The following VWC2 variants were observed in gnomAD, a reference collection of about 807,000 sequenced individuals.
VWC2 encodes brorin.
Under a neutral mutation model 29.8 loss-of-function variants are expected in VWC2, and 14 were observed. The ratio of observed to expected loss-of-function variants is 0.47; its 90% CI spans 0.31 to 0.74. VWC2 has a LOEUF of 0.74. Ranked by LOEUF, VWC2 falls within the 30% of genes least tolerant of loss-of-function variation. The pLI, the probability that VWC2 is intolerant of heterozygous loss-of-function variation, is 0.05. For missense variants in VWC2, 457 were observed against 459.8 expected (o/e 0.99, Z 0.05); for synonymous variants, 213 against 199.0 (o/e 1.07, Z -0.59).
intron 3 of VWC2, among the ~76,000 whole-genome samples, chr7:49,840,735 T>A (rs1789775880): frequency 6.6e-6 from 1 of 152,188 alleles, no homozygotes; most frequent in African/African-American, 2.4e-5. Context: ...TCTTTTATTG[T>A]TCATTTTTGT....
At chr7:49,893,386 T>C (rs982337904) in intron 3 of VWC2, among the ~76,000 whole-genome samples, 3 of 152,222 alleles carry the variant, frequency 2.0e-5, no homozygotes, top group Admixed American at 1.3e-4. Context: ...AGGATAGTTT[T>C]CAAGCTGGCA....
intron 3 of VWC2, among the ~76,000 whole-genome samples, chr7:49,869,415 C>T (rs546512808): frequency 7.8e-4 from 118 of 152,140 alleles, no homozygotes; most frequent in African/African-American, 2.6e-3. Context: ...AACAAAGCAA[C>T]GATTTTAACA....
chr7:49,893,709 C>T (rs963543677), intron 3 of VWC2, among the ~76,000 whole-genome samples: 3 of 150,656 alleles, frequency 2.0e-5, no homozygotes, highest in Non-Finnish European at 4.4e-5. Flanking sequence ...AAAGGGAAAT[C>T]GAAATACAAT....
chr7:49,806,571 C>T (rs865939672), intron 3 of VWC2, among the ~76,000 whole-genome samples: 3 of 152,062 alleles, frequency 2.0e-5, no homozygotes, highest in Admixed American at 6.6e-5. Flanking sequence ...AACACTGAGA[C>T]GTCAAATTAT....
chr7:49,901,206 G>C (rs928057953), intron 3 of VWC2: 1 of 151,878 alleles, frequency 6.6e-6, no homozygotes, highest in South Asian at 2.1e-4. Flanking sequence ...CATAGTGGAA[G>C]TCCCAACTAC....
intron 3 of VWC2, among the ~76,000 whole-genome samples, chr7:49,907,089 A>G (rs1379478454): frequency 2.0e-5 from 3 of 152,218 alleles, no homozygotes; most frequent in East Asian, 3.9e-4. Flanking sequence ...GTGGAGTGAT[A>G]AGCTGGGACA....
rs150259595 is a variant in VWC2 at position 49,848,855 on chromosome 7, G to A, written c.826+46015G>A. 1.2e-3 allele frequency among the ~76,000 whole-genome samples: 177 copies of A among 152,266 alleles called. 1 individual carries two copies. The East Asian group carries it at 0.023, about 20-fold the overall frequency. On this transcript the variant is annotated intron_variant, in intron 3 of 3. Transcript: ENST00000340652. ...ATAGTCAATAAAATGATTACATTGTGTCTAATTCAGTAGACCAGAAAGGAA... is the reference window on the plus strand; with the variant it reads ...ATAGTCAATAAAATGATTACATTGTATCTAATTCAGTAGACCAGAAAGGAA...
intron 3 of VWC2, among the ~76,000 whole-genome samples, chr7:49,819,498 T>C (rs1273010828): frequency 6.6e-6 from 1 of 152,224 alleles, no homozygotes; most frequent in Non-Finnish European, 1.5e-5. Flanking sequence ...TGTAAAATAC[T>C]GCATGCTGTT....
At chr7:49,911,851 C>T (rs1226703562) in intron 3 of VWC2, among the ~76,000 whole-genome samples, 183 bp from the exon 4 acceptor site, 2 of 151,132 alleles carry the variant, frequency 1.3e-5, no homozygotes, top group African/African-American at 2.4e-5. Flanking sequence ...GAGCCGAGAT[C>T]GTGCCACTGC....
At chr7:49,852,644 C>T (rs1001157679) in intron 3 of VWC2, among the ~76,000 whole-genome samples, 1 of 152,024 alleles carries the variant, frequency 6.6e-6, no homozygotes, top group African/African-American at 2.4e-5. Context: ...GGTGATGTCT[C>T]ACCTCCCCTC....
Position 49,915,850 on chromosome 7 carries a change from T to C in VWC2, c.*3665T>C, listed in dbSNP as rs985056425. On this transcript the variant is annotated 3_prime_UTR_variant, in exon 4 of 4. Transcript: ENST00000340652. ...GTATCAGATGTACAAATAAGCATCATTGGTAAAAACATACATGCTTCTTTG... is the reference window on the plus strand; with the variant it reads ...GTATCAGATGTACAAATAAGCATCACTGGTAAAAACATACATGCTTCTTTG... 21 of 152,334 alleles carry C rather than the reference T, an allele frequency of 1.4e-4. No homozygotes were observed. Among genetic ancestry groups the C allele is most frequent in the African/African-American group, 5.0e-4 (21 of 41,588 alleles). The allele number at this position is 152,334 out of a possible 1,614,324, so 9.4% of individuals were successfully genotyped here. A position where few individuals can be genotyped will look rare whatever the true frequency, so the allele number is the denominator to read the frequency against.
chr7:49,774,071 C>A lies in VWC2; in HGVS notation c.-146C>A, dbSNP rs1787997164. 1 of 152,208 alleles carries A rather than the reference C, an allele frequency of 6.6e-6. No homozygotes were observed. The highest frequency in any genetic ancestry group is 2.4e-5 in the African/African-American group (1 of 41,420). The allele number at this position is 152,208 out of a possible 1,614,324, so 9.4% of individuals were successfully genotyped here. The stretch of plus-strand genomic sequence containing the variant: ...CCCGCGCCCGCCGCTGCTACCCCTG[C>A]GCCCGCTGCGAGCCCGGCGTCCGGC... On this transcript the variant is annotated 5_prime_UTR_variant, in exon 1 of 4. Coordinates refer to ENST00000340652, the MANE Select transcript of VWC2 (RefSeq NM_198570.5).
In VWC2 at chr7:49,802,772, C is replaced by G. The variant is rs762722654; in HGVS notation, c.758C>G (p.Ala253Gly). 3.7e-6 allele frequency: 6 copies of G among 1,614,074 alleles called. No homozygotes were observed. In the Admixed American group the frequency reaches 1.0e-4, roughly 27 times the overall value. Reference protein sequence around the residue: ...ANGEVLCTVSACPQTECVDPV... With the variant: ...ANGEVLCTVSGCPQTECVDPV... ...GGTGAGGTGCTATGCACAGTGTCAG[C>G]GTGTCCCCAGACGGAGTGTGTGGAC... is the stretch of plus-strand genomic sequence containing the variant. Residue 253 changes from alanine to glycine, a missense_variant, in exon 3 of 4, where the codon GCG becomes GGG. By Grantham distance (60) the Ala-to-Gly change is moderately conservative. This residue lies in a region of VWC2 where 185 missense variants were observed against 257.1 expected (regional missense o/e 0.72). Transcript: ENST00000340652.
At chr7:49,856,229 T>C (rs1790411359) in intron 3 of VWC2, among the ~76,000 whole-genome samples, 1 of 152,134 alleles carries the variant, frequency 6.6e-6, no homozygotes, top group Admixed American at 6.5e-5. Context: ...GTTTGAGTCA[T>C]GAGGGTGGAT....
intron 2 of VWC2, among the ~76,000 whole-genome samples, chr7:49,791,685 GT>G (rs1017127957): frequency 3.9e-5 from 6 of 152,286 alleles, no homozygotes; most frequent in Admixed American, 1.3e-4. Context: ...TCAAGCCAGG[GT>G]GGTGGCATCT....
rs575882126 is a variant in VWC2, at chr7:49,818,565, A to G, written c.826+15725A>G. On this transcript the variant is annotated intron_variant, in intron 3 of 3. Transcript: ENST00000340652. ...TTTCCCCAAAGTGGAACAGAGCAAC[A>G]TCCAATCTGCATAGAGGCTCTGCAG... 5.9e-4 allele frequency among the ~76,000 whole-genome samples: 90 copies of G among 152,176 alleles called. 1 individual carries two copies. The South Asian group carries it at 0.017, about 29-fold the overall frequency.
chr7:49,902,704 T>A (rs1395417712), intron 3 of VWC2, among the ~76,000 whole-genome samples: 1 of 152,088 alleles, frequency 6.6e-6, no homozygotes, highest in African/African-American at 2.4e-5. Flanking sequence ...GGCTTCTTGA[T>A]GAGTTGTTAG....
In VWC2 at chr7:49,775,466, G is replaced by A. The variant is rs1224017444; in HGVS notation, c.31G>A (p.Ala11Thr). The part of the protein sequence containing the change: MPSSTAMAVG[A>T]LSSSLLVTCC... Reference sequence around the variant, plus strand: ...CAGCTCCACTGCGATGGCAGTTGGCGCGCTCTCCAGTTCCCTCCTGGTCAC... The same window carrying A: ...CAGCTCCACTGCGATGGCAGTTGGCACGCTCTCCAGTTCCCTCCTGGTCAC... Residue 11 changes from alanine (A) to threonine (T), a missense_variant, in exon 2 of 4, where the codon GCG becomes ACG. Transcript: ENST00000340652. The A allele has an allele frequency of 6.7e-7, 1 of 1,491,776 alleles. No homozygotes were observed. The highest frequency in any genetic ancestry group is 2.2e-5 in the Admixed American group (1 of 45,210). 92.4% of individuals were successfully genotyped at this position (1,491,776 alleles called of 1,614,324 possible).
chr7:49,794,084 A>T (rs935546546), intron 2 of VWC2, among the ~76,000 whole-genome samples: 13 of 152,188 alleles, frequency 8.5e-5, no homozygotes, highest in African/African-American at 3.1e-4. Context: ...GAGAGACATA[A>T]CTGAAGACTG....
Sources: allele counts gnomAD v4.1 joint callset (sites outside exome capture counted in the v4.1 genomes callset), GRCh38; gene constraint gnomAD v4.1.1; regional missense constraint gnomAD v4.1.1; transcripts MANE v1.5; gene names NCBI Gene and HGNC (gene_info 2026-07-23, HGNC 2026-07-21).